The following IRAK1BP1 variants were observed in gnomAD, a reference collection of about 807,000 sequenced individuals.
The protein encoded by IRAK1BP1 is interleukin-1 receptor-associated kinase 1-binding protein 1.
In IRAK1BP1, 24 loss-of-function variants were observed where a neutral mutation model predicts 28.0. The observed-to-expected ratio is 0.86, with a 90% confidence interval of 0.62 to 1.20. The LOEUF (loss-of-function observed/expected upper bound fraction) is 1.20. Ranked by LOEUF, IRAK1BP1 falls within the 50% of genes most tolerant of loss-of-function variation. IRAK1BP1 has a pLI of 0.00. For synonymous variants in IRAK1BP1, 131 were observed against 116.3 expected (o/e 1.13, Z -0.81); for missense variants, 336 against 316.7 (o/e 1.06, Z -0.46).
intron 1 of IRAK1BP1, among the ~76,000 whole-genome samples, chr6:78,884,817 T>G (rs1433800306): frequency 6.6e-6 from 1 of 152,150 alleles, no homozygotes; most frequent in Non-Finnish European, 1.5e-5. Context: ...ATACTTTATG[T>G]GCAAACAATT....
chr6:78,958,747 C>A, the IRAK1BP1 span: 1 of 618,522 alleles, frequency 1.6e-6, no homozygotes, highest in South Asian at 2.0e-5. Flanking sequence ...TTCAAAGCAG[C>A]ATAACTGCAT....
chr6:78,877,951 C>T (rs944919086), intron 1 of IRAK1BP1, among the ~76,000 whole-genome samples: 2 of 151,182 alleles, frequency 1.3e-5, no homozygotes, highest in Non-Finnish European at 2.9e-5. Context: ...GGAGGGGCTC[C>T]GCCATTGCTG....
At chr6:78,954,101 A>AT in the IRAK1BP1 span, among the ~76,000 whole-genome samples, 1 of 151,940 alleles carries the variant, frequency 6.6e-6, no homozygotes, top group Non-Finnish European at 1.5e-5. Context: ...ATTTAAAACT[A>AT]TTTTTTGTTT....
chr6:78,872,940 T>G (rs1014328542), intron 1 of IRAK1BP1, among the ~76,000 whole-genome samples: 1 of 152,060 alleles, frequency 6.6e-6, no homozygotes, highest in Admixed American at 6.6e-5. Flanking sequence ...ATTAAATTGA[T>G]AAGAACCTTA....
chr6:78,890,987 G>A (rs371547191), intron 2 of IRAK1BP1, among the ~76,000 whole-genome samples: 1 of 152,152 alleles, frequency 6.6e-6, no homozygotes. Flanking sequence ...GAGAAAAACA[G>A]GAGTTCCCAG....
At chr6:78,965,913 G>T in the IRAK1BP1 span, 1 of 1,493,390 alleles carries the variant, frequency 6.7e-7, no homozygotes, top group Non-Finnish European at 9.3e-7. Flanking sequence ...AGCAAGCCTA[G>T]GTGAACTAAA....
rs1216789507 is a variant in IRAK1BP1 at position 78,881,044 on chromosome 6, G to GT, written c.316-4333dup. Reference sequence around the variant, plus strand: ...TAATTTGCCGAAGTGAATTGAAAACGTAAGTACATATAAGAATCTGTACAC... The same window carrying GT: ...TAATTTGCCGAAGTGAATTGAAAACGTTAAGTACATATAAGAATCTGTACAC... On this transcript the variant is annotated intron_variant, in intron 1 of 3. Coordinates refer to ENST00000369940, the MANE Select transcript of IRAK1BP1 (RefSeq NM_001010844.4). Among the ~76,000 whole-genome samples the GT allele has an allele frequency of 4.6e-5, 7 of 152,216 alleles. No individual in the cohort carries two copies. In the East Asian group the frequency reaches 9.6e-4, roughly 21 times the overall value.
At chr6:78,950,814 CTTTA>C (rs750745791), downstream of IRAK1BP1, among the ~76,000 whole-genome samples, 4 of 148,530 alleles carry the variant, frequency 2.7e-5, no homozygotes, top group Admixed American at 6.7e-5. Context: ...CATAGATTTT[CTTTA>C]TTGTTTTTCT....
intron 4 of IRAK1BP1, among the ~76,000 whole-genome samples, chr6:78,915,447 G>A (rs922432280): frequency 6.6e-6 from 1 of 152,230 alleles, no homozygotes; most frequent in Non-Finnish European, 1.5e-5. Flanking sequence ...CCTGCAGGGA[G>A]TTTATTAGAT....
In IRAK1BP1 at chr6:78,920,674, G is replaced by A. The variant is rs142757652; in HGVS notation, c.*67+17564G>A. ...AGACATAAATGTAAAACCTAAAACT[G>A]TAAAAACACTAGAAGGAAACTGAGG... On this transcript the variant is annotated intron_variant and NMD_transcript_variant, in intron 4 of 4. Coordinates refer to the IRAK1BP1 transcript ENST00000606868. Among the ~76,000 whole-genome samples, 42 of 152,158 alleles carry A rather than the reference G, an allele frequency of 2.8e-4. No individual in the cohort carries two copies. In the East Asian group the frequency reaches 7.3e-3, roughly 27 times the overall value.
At chr6:78,925,500 C>T (rs1363303119) in intron 4 of IRAK1BP1, among the ~76,000 whole-genome samples, 1 of 152,096 alleles carries the variant, frequency 6.6e-6, no homozygotes, top group Non-Finnish European at 1.5e-5. Flanking sequence ...TATCTCACAC[C>T]AGTGGAACAG....
chr6:78,871,393 T>G (rs754181809), intron 1 of IRAK1BP1: 7 of 985,238 alleles, frequency 7.1e-6, no homozygotes, highest in Non-Finnish European at 8.4e-6. Flanking sequence ...TACTGTAAGA[T>G]TCCTTTAACA....
chr6:78,945,524 A>C (rs376062667), exon 5 of IRAK1BP1: 259 of 1,365,002 alleles, frequency 1.9e-4, no homozygotes, highest in Non-Finnish European at 3.4e-5. Flanking sequence ...AAATTTAAAA[A>C]TTAAGAGTTA....
At chr6:78,918,802 C>T (rs781670295) in intron 4 of IRAK1BP1, among the ~76,000 whole-genome samples, 27 of 152,002 alleles carry the variant, frequency 1.8e-4, no homozygotes, top group African/African-American at 4.1e-4. Flanking sequence ...ATCATCAAGG[C>T]GGAAAACTAA....
rs1488783023 is a variant in IRAK1BP1 at position 78,870,468 on chromosome 6, A to G, written c.315+2577A>G. ...TTTTTGCCTGTATGAGTTATGGTCC[A>G]TACACTTCACATAATGTGTACTCAG... is the stretch of plus-strand genomic sequence containing the variant. On this transcript the variant is annotated intron_variant, in intron 1 of 3. Transcript: ENST00000369940. Among the ~76,000 whole-genome samples the G allele has an allele frequency of 6.6e-5, 10 of 152,256 alleles. 2 individuals are homozygous for G. The highest frequency in any genetic ancestry group is 6.5e-4 in the Admixed American group (10 of 15,298).
At chr6:78,903,606 A>G (rs1006989087), downstream of IRAK1BP1, among the ~76,000 whole-genome samples, 1 of 152,034 alleles carries the variant, frequency 6.6e-6, no homozygotes, top group African/African-American at 2.4e-5. Flanking sequence ...CCCAGGTGGC[A>G]GGTGAAAGTT....
chr6:78,924,997 G>A (rs891545919), intron 4 of IRAK1BP1, among the ~76,000 whole-genome samples: 2 of 152,152 alleles, frequency 1.3e-5, no homozygotes, highest in Non-Finnish European at 2.9e-5. Flanking sequence ...CATAAAAAAT[G>A]ATGAGTTCAT....
chr6:78,869,541 A>G (rs1770717477), intron 1 of IRAK1BP1, among the ~76,000 whole-genome samples: 1 of 152,192 alleles, frequency 6.6e-6, no homozygotes, highest in Non-Finnish European at 1.5e-5. Context: ...AAATAAATTA[A>G]CTAAGTCCAA....
rs191019119 is a variant in IRAK1BP1, at chr6:78,869,754, A to G, written c.315+1863A>G. ...AAACTTTAGAATTCTGAGCTGTAAGATTTATAAACATCACTTCCCTGCTTA... is the reference window on the plus strand; with the variant it reads ...AAACTTTAGAATTCTGAGCTGTAAGGTTTATAAACATCACTTCCCTGCTTA... On this transcript the variant is annotated intron_variant, in intron 1 of 3. Coordinates refer to ENST00000369940, the MANE Select transcript of IRAK1BP1 (RefSeq NM_001010844.4). 6.4e-4 allele frequency among the ~76,000 whole-genome samples: 98 copies of G among 152,268 alleles called. 1 individual carries two copies. In the South Asian group the frequency reaches 8.1e-3, roughly 13 times the overall value.
Sources: allele counts gnomAD v4.1 joint callset (sites outside exome capture counted in the v4.1 genomes callset), GRCh38; gene constraint gnomAD v4.1.1; transcripts MANE v1.5; gene names NCBI Gene and HGNC (gene_info 2026-07-23, HGNC 2026-07-21).